The following KCNMB2 variants were observed in gnomAD, a reference collection of about 807,000 sequenced individuals.
The protein encoded by KCNMB2 is calcium-activated potassium channel subunit beta-2.
In KCNMB2, 9 loss-of-function variants were observed where a neutral mutation model predicts 24.5. The ratio of observed to expected loss-of-function variants is 0.37; its 90% confidence interval spans 0.22 to 0.64. The LOEUF is 0.64. Ranked by LOEUF, KCNMB2 falls within the 30% of genes least tolerant of loss-of-function variation. KCNMB2 has a pLI of 0.63. For missense variants in KCNMB2, 226 were observed against 284.3 expected, an observed-to-expected ratio of 0.79 and a Z score of 1.47; for synonymous variants, 109 against 104.4, an observed-to-expected ratio of 1.04 and a Z score of -0.27.
chr3:178,752,869 A>G (rs757231779), intron 1 of KCNMB2, among the ~76,000 whole-genome samples: 2 of 152,204 alleles, frequency 1.3e-5, no homozygotes, highest in Non-Finnish European at 2.9e-5. Context: ...AGTCTGTATA[A>G]GAGACAAACT....
chr3:178,823,073 G>A (rs1345482727), intron 2 of KCNMB2, among the ~76,000 whole-genome samples: 1 of 152,330 alleles, frequency 6.6e-6, no homozygotes, highest in African/African-American at 2.4e-5. Flanking sequence ...GTCTCTTCCT[G>A]ATTCAGAAAA....
rs574068983 is a variant in KCNMB2, at chr3:178,748,075, A to G, written c.-67-59268A>G. Among the ~76,000 whole-genome samples, 6 of 152,236 alleles carry G rather than the reference A, an allele frequency of 3.9e-5. No homozygotes were observed. In the South Asian group the frequency reaches 1.0e-3, roughly 26 times the overall value. The stretch of plus-strand genomic sequence containing the variant: ...AATTGTCACCAAAGATAGGACTTCA[A>G]TTTGGAACTTTTTACTCTGAGGCCA... On this transcript the variant is annotated intron_variant, in intron 1 of 4. Coordinates refer to ENST00000452583, the MANE Select transcript of KCNMB2 (RefSeq NM_181361.3).
chr3:178,825,357 G>A (rs539771199), intron 2 of KCNMB2, among the ~76,000 whole-genome samples: 7 of 152,222 alleles, frequency 4.6e-5, no homozygotes, highest in Non-Finnish European at 7.4e-5. Flanking sequence ...AGTAAAGAAG[G>A]AGGGCTTATT....
At chr3:178,551,975 T>G (rs1244418962) in intron 1 of KCNMB2, among the ~76,000 whole-genome samples, 1 of 151,900 alleles carries the variant, frequency 6.6e-6, no homozygotes, top group Non-Finnish European at 1.5e-5. Flanking sequence ...GACTGTGAGG[T>G]CCTAAGAGGA....
chr3:178,585,874 CTGA>C lies in KCNMB2; in HGVS notation c.-68+49165_-68+49167del, dbSNP rs1159371559. ...GTGATCATTTATATGATAATGTGAG[CTGA>C]TAATTTAGGAGTGATTCATTCTCAT... On this transcript the variant is annotated intron_variant, in intron 1 of 4. Coordinates refer to ENST00000452583, the MANE Select transcript of KCNMB2 (RefSeq NM_181361.3). 2.0e-5 allele frequency among the ~76,000 whole-genome samples: 3 copies of C among 152,238 alleles called. No individual in the cohort carries two copies. In the East Asian group the frequency reaches 5.8e-4, roughly 29 times the overall value.
chr3:178,663,043 C>G (rs186878181), intron 1 of KCNMB2, among the ~76,000 whole-genome samples: 2 of 152,140 alleles, frequency 1.3e-5, no homozygotes, highest in African/African-American at 4.8e-5. Context: ...CTCTGCTCCA[C>G]GTGGTGTTGG....
intron 1 of KCNMB2, among the ~76,000 whole-genome samples, chr3:178,589,040 G>A (rs550595610): frequency 6.6e-6 from 1 of 152,168 alleles, no homozygotes; most frequent in East Asian, 1.9e-4. Flanking sequence ...TACTTAGTAG[G>A]GTTGCTTTTT....
chr3:178,700,794 T>C (rs941641652), intron 1 of KCNMB2, among the ~76,000 whole-genome samples: 2 of 149,044 alleles, frequency 1.3e-5, no homozygotes, highest in Non-Finnish European at 3.0e-5. Flanking sequence ...CAACAAGAAA[T>C]TGTTGATGCT....
chr3:178,550,039 T>C (rs1471117053), intron 1 of KCNMB2, among the ~76,000 whole-genome samples: 3 of 152,180 alleles, frequency 2.0e-5, no homozygotes, highest in Admixed American at 2.0e-4. Context: ...GTCAGTGTTA[T>C]GTTGGCTATA....
rs182268043 is a variant in KCNMB2 at position 178,613,895 on chromosome 3, G to A, written c.-68+77184G>A. Among the ~76,000 whole-genome samples the A allele has an allele frequency of 3.2e-3, 479 of 152,018 alleles. 1 individual carries two copies. Among genetic ancestry groups the A allele is most frequent in the Non-Finnish European group, 4.2e-3 (286 of 67,976 alleles). ...TTTGGGATGTTCTCTGTTATTATCCGTTTGAATAAGCTTTCCACCCCCTCT... is the reference window on the plus strand; with the variant it reads ...TTTGGGATGTTCTCTGTTATTATCCATTTGAATAAGCTTTCCACCCCCTCT... On this transcript the variant is annotated intron_variant, in intron 1 of 4. Transcript: ENST00000452583.
chr3:178,682,676 A>C (rs1009453036), intron 1 of KCNMB2, among the ~76,000 whole-genome samples: 8 of 151,096 alleles, frequency 5.3e-5, no homozygotes, highest in Non-Finnish European at 8.8e-5. Flanking sequence ...TTGAACAAGC[A>C]AAAAAAACCC....
intron 1 of KCNMB2, among the ~76,000 whole-genome samples, chr3:178,606,016 GT>G (rs1718258555): frequency 1.3e-5 from 2 of 152,168 alleles, no homozygotes; most frequent in African/African-American, 4.8e-5. Flanking sequence ...TAAGATTTGT[GT>G]GGGCATAAAC....
At position 178,843,113 on chromosome 3, in the gene KCNMB2, T is replaced by C; in HGVS notation, c.*176T>C. 1 of 680,886 alleles carries C rather than the reference T, an allele frequency of 1.5e-6. No homozygotes were observed. Among genetic ancestry groups the C allele is most frequent in the Non-Finnish European group, 2.7e-6 (1 of 375,140 alleles). 42.2% of individuals were successfully genotyped at this position (680,886 alleles called of 1,614,324 possible). On this transcript the variant is annotated 3_prime_UTR_variant, in exon 5 of 5. Coordinates refer to ENST00000452583, the MANE Select transcript of KCNMB2 (RefSeq NM_181361.3). ...TATGCAAACATGATGTCTTTATTAT[T>C]CAGGAGAATAAATAACTGTTTTGTG...
intron 1 of KCNMB2, among the ~76,000 whole-genome samples, chr3:178,704,160 G>A (rs1722199815): frequency 6.6e-6 from 1 of 151,962 alleles, no homozygotes; most frequent in Non-Finnish European, 1.5e-5. Context: ...GGTTTCAAGT[G>A]TCATTGTAAA....
chr3:178,792,834 G>A (rs576999399), intron 1 of KCNMB2, among the ~76,000 whole-genome samples: 1 of 152,338 alleles, frequency 6.6e-6, no homozygotes, highest in East Asian at 1.9e-4. Context: ...CTCCAGCTGG[G>A]GAAGTGTCAC....
chr3:178,674,219 A>G (rs1447978087), intron 1 of KCNMB2, among the ~76,000 whole-genome samples: 3 of 151,690 alleles, frequency 2.0e-5, no homozygotes, highest in Non-Finnish European at 2.9e-5. Flanking sequence ...CACTCCTTGG[A>G]TGACCTTATC....
chr3:178,699,306 AG>A (rs762593238), intron 1 of KCNMB2, among the ~76,000 whole-genome samples: 91 of 152,314 alleles, frequency 6.0e-4, no homozygotes, highest in Non-Finnish European at 9.3e-4. Flanking sequence ...GTGCCAGCCA[AG>A]GCTCCCTGCA....
At chr3:178,775,994 T>G (rs1439397905) in intron 1 of KCNMB2, among the ~76,000 whole-genome samples, 1 of 152,152 alleles carries the variant, frequency 6.6e-6, no homozygotes, top group Non-Finnish European at 1.5e-5. Flanking sequence ...CCCTGCAGAA[T>G]TTTCTTAAAA....
chr3:178,720,096 C>T (rs1449110086), intron 1 of KCNMB2, among the ~76,000 whole-genome samples: 1 of 152,026 alleles, frequency 6.6e-6, no homozygotes, highest in African/African-American at 2.4e-5. Context: ...CGTCATTTAG[C>T]ATTAGGTATA....
Sources: gnomAD v4.1 joint callset for allele counts (sites outside exome capture counted in the v4.1 genomes callset) on GRCh38, gnomAD v4.1.1 for gene constraint, MANE v1.5 for transcripts, NCBI Gene and HGNC (gene_info 2026-07-23, HGNC 2026-07-21) for gene names.